The following IMMP2L variants were observed in gnomAD, a reference collection of about 807,000 sequenced individuals.
IMMP2L encodes the protein inner mitochondrial membrane peptidase subunit 2, also known as mitochondrial inner membrane protease subunit 2.
IMMP2L carries 18 observed loss-of-function variants against 19.3 expected under a neutral mutation model. The ratio of observed to expected loss-of-function variants is 0.93; its 90% CI spans 0.64 to 1.38. IMMP2L has a LOEUF of 1.38. IMMP2L is among the 40% of genes most tolerant of loss of function. The pLI is 0.00. For synonymous variants in IMMP2L, 76 were observed against 73.0 expected, an observed-to-expected ratio of 1.04 and a Z score of -0.21; for missense variants, 233 against 218.2, an observed-to-expected ratio of 1.07 and a Z score of -0.43.
chr7:111,023,349 T>A (rs910143919), intron 3 of IMMP2L, among the ~76,000 whole-genome samples: 1 of 152,124 alleles, frequency 6.6e-6, no homozygotes, highest in African/African-American at 2.4e-5. Flanking sequence ...GGTAAACACA[T>A]AAACAAATCA....
chr7:110,990,237 A>AT (rs1822311960), intron 3 of IMMP2L, among the ~76,000 whole-genome samples: 1 of 152,212 alleles, frequency 6.6e-6, no homozygotes, highest in African/African-American at 2.4e-5. Context: ...GCATGAAAAC[A>AT]TTAAGTATCA....
chr7:111,129,970 C>T (rs1478722628), intron 3 of IMMP2L, among the ~76,000 whole-genome samples: 1 of 152,048 alleles, frequency 6.6e-6, no homozygotes, highest in Non-Finnish European at 1.5e-5. Context: ...ATTTCATTTA[C>T]AATATACACA....
intron 3 of IMMP2L, among the ~76,000 whole-genome samples, chr7:111,291,285 G>A (rs1175849883): frequency 6.6e-6 from 1 of 152,146 alleles, no homozygotes; most frequent in East Asian, 1.9e-4. Flanking sequence ...TGCAGCAGCA[G>A]CTCCCATCAT....
chr7:111,199,039 T>C lies in IMMP2L; in HGVS notation c.240-235474A>G, dbSNP rs140042176. On this transcript the variant is annotated intron_variant, in intron 3 of 5. Coordinates refer to ENST00000405709, the MANE Select transcript of IMMP2L (RefSeq NM_032549.4). Reference sequence around the variant, plus strand: ...TGAACTTGATAGCTATGTCAGTCACTACATTTTCGAACTGCATTTCCTAGT... The same window carrying C: ...TGAACTTGATAGCTATGTCAGTCACCACATTTTCGAACTGCATTTCCTAGT... Among the ~76,000 whole-genome samples, 617 of 152,258 alleles carry C rather than the reference T, an allele frequency of 4.1e-3. 3 individuals are homozygous for C. The highest frequency in any genetic ancestry group is 0.014 in the African/African-American group (590 of 41,560).
At chr7:110,669,667 C>T (rs1268795514) in intron 5 of IMMP2L, among the ~76,000 whole-genome samples, 1 of 152,134 alleles carries the variant, frequency 6.6e-6, no homozygotes, top group Admixed American at 6.5e-5. Context: ...TTAAAATAAG[C>T]CATGGGGTAA....
intron 5 of IMMP2L, among the ~76,000 whole-genome samples, chr7:110,808,280 T>G (rs2131256261): frequency 6.6e-6 from 1 of 152,166 alleles, no homozygotes; most frequent in Non-Finnish European, 1.5e-5. Context: ...ACCTAGGAAT[T>G]TGGCTTGGTG....
intron 3 of IMMP2L, among the ~76,000 whole-genome samples, chr7:111,346,925 A>G (rs1827623112): frequency 6.6e-6 from 1 of 152,068 alleles, no homozygotes; most frequent in Non-Finnish European, 1.5e-5. Flanking sequence ...GCACAAGAGC[A>G]CCTAACTCAT....
Position 110,706,001 on chromosome 7 carries a change from T to C in IMMP2L, c.409-42280A>G, listed in dbSNP as rs560931617. Among the ~76,000 whole-genome samples the C allele has an allele frequency of 4.6e-5, 7 of 152,314 alleles. No homozygotes were observed. In the South Asian group the frequency reaches 1.4e-3, roughly 32 times the overall value. ...TAGGTTGATTCCTTCTCTTTGCTAT[T>C]GTGAATAGCACTGTGATGAATATAC... On this transcript the variant is annotated intron_variant, in intron 5 of 5. Transcript: ENST00000405709.
chr7:111,093,918 C>T (rs1379016913), intron 3 of IMMP2L, among the ~76,000 whole-genome samples: 1 of 152,038 alleles, frequency 6.6e-6, no homozygotes, highest in African/African-American at 2.4e-5. Flanking sequence ...AGTTAGAATG[C>T]TGATGAGTAG....
chr7:111,137,848 A>C (rs938832984), intron 3 of IMMP2L, among the ~76,000 whole-genome samples: 2 of 152,198 alleles, frequency 1.3e-5, no homozygotes, highest in Non-Finnish European at 2.9e-5. Context: ...GTTTTTAGAC[A>C]GGGTCTCACT....
At chr7:111,148,645 T>G (rs1479921789) in intron 3 of IMMP2L, among the ~76,000 whole-genome samples, 1 of 152,012 alleles carries the variant, frequency 6.6e-6, no homozygotes, top group Non-Finnish European at 1.5e-5. Flanking sequence ...CTTTTAAGCT[T>G]CACAGAGGAC....
chr7:111,238,961 T>C (rs1486608798), intron 3 of IMMP2L, among the ~76,000 whole-genome samples: 1 of 151,936 alleles, frequency 6.6e-6, no homozygotes, highest in Non-Finnish European at 1.5e-5. Context: ...AAGTATGTAA[T>C]GTTCTTGCCA....
chr7:111,124,716 C>A, intron 3 of IMMP2L: 2 of 1,613,868 alleles, frequency 1.2e-6, no homozygotes, highest in Non-Finnish European at 1.7e-6. Context: ...TTATCAGCTG[C>A]CTCTCTCCAG....
At chr7:110,988,345 A>G (rs1822072633) in intron 3 of IMMP2L, among the ~76,000 whole-genome samples, 1 of 152,192 alleles carries the variant, frequency 6.6e-6, no homozygotes, top group Admixed American at 6.5e-5. Flanking sequence ...CATCCCAGTC[A>G]GTAGGAAAGA....
intron 1 of IMMP2L, among the ~76,000 whole-genome samples, chr7:111,532,010 AG>A (rs1381260232): frequency 6.6e-6 from 1 of 152,108 alleles, no homozygotes; most frequent in Non-Finnish European, 1.5e-5. Flanking sequence ...CACTCTTTTT[AG>A]AAAAAAAAAA....
At chr7:111,403,763 G>A (rs1472205518) in intron 3 of IMMP2L, among the ~76,000 whole-genome samples, 2 of 152,106 alleles carry the variant, frequency 1.3e-5, no homozygotes, top group Non-Finnish European at 1.5e-5. Flanking sequence ...GATTGTGAAA[G>A]GGTAGAAGTG....
intron 3 of IMMP2L, among the ~76,000 whole-genome samples, chr7:111,326,772 G>C (rs1322030291): frequency 6.6e-6 from 1 of 151,862 alleles, no homozygotes; most frequent in Non-Finnish European, 1.5e-5. Flanking sequence ...TCTGGAAGCA[G>C]TATGGAGGTT....
intron 5 of IMMP2L, among the ~76,000 whole-genome samples, chr7:110,860,686 A>G (rs1294253665): frequency 6.6e-6 from 1 of 152,156 alleles, no homozygotes; most frequent in Non-Finnish European, 1.5e-5. Flanking sequence ...CTGACAGTTC[A>G]CAAATTATAG....
chr7:111,316,091 A>G (rs541557515), intron 3 of IMMP2L, among the ~76,000 whole-genome samples: 1 of 152,234 alleles, frequency 6.6e-6, no homozygotes, highest in African/African-American at 2.4e-5. Context: ...GCACAATGAT[A>G]TTTGTGTATC....
Sources: gnomAD v4.1 joint callset for allele counts (sites outside exome capture counted in the v4.1 genomes callset) on GRCh38, gnomAD v4.1.1 for gene constraint, MANE v1.5 for transcripts, NCBI Gene and HGNC (gene_info 2026-07-23, HGNC 2026-07-21) for gene names.